Variants in MICU3 observed in about 807,000 individuals in gnomAD.
The protein encoded by MICU3 is mitochondrial calcium uptake 3, also known as calcium uptake protein 3, mitochondrial.
A neutral mutation model predicts 66.5 loss-of-function variants in MICU3; 62 were observed. That is an observed-to-expected ratio of 0.93 (90% CI 0.76 to 1.15). The LOEUF (loss-of-function observed/expected upper bound fraction) is 1.15, where lower values mean the gene tolerates loss of function less well. Among genes scored for constraint, MICU3 ranks in the 50% most tolerant of loss-of-function variants. MICU3 has a pLI of 0.00. For synonymous variants in MICU3, 308 were observed against 240.7 expected (o/e 1.28, Z -2.59); for missense variants, 779 against 664.4 (o/e 1.17, Z -1.90).
intron 3 of MICU3, among the ~76,000 whole-genome samples, chr8:17,075,247 C>T (rs1327704065): frequency 6.6e-6 from 1 of 152,120 alleles, no homozygotes; most frequent in African/African-American, 2.4e-5. Flanking sequence ...CTCCTCTGAG[C>T]TTAGTGCTTA....
At chr8:17,031,093 T>C (rs1470002437) in intron 1 of MICU3, among the ~76,000 whole-genome samples, 3 of 151,930 alleles carry the variant, frequency 2.0e-5, no homozygotes, top group African/African-American at 4.8e-5. Context: ...TGGCATGTGC[T>C]TGTAGTCCCA....
chr8:17,100,952 A>G (rs995296535), intron 9 of MICU3, among the ~76,000 whole-genome samples: 3 of 151,852 alleles, frequency 2.0e-5, no homozygotes, highest in African/African-American at 4.8e-5. Flanking sequence ...TTTAAATTAC[A>G]TATTCTTGGT....
chr8:17,042,668 A>G (rs1217633417), intron 1 of MICU3, among the ~76,000 whole-genome samples: 1 of 152,204 alleles, frequency 6.6e-6, no homozygotes, highest in Non-Finnish European at 1.5e-5. Flanking sequence ...TTTCTAAATT[A>G]GAAAAGTAGA....
At chr8:17,062,586 G>T (rs1437664598) in intron 1 of MICU3, among the ~76,000 whole-genome samples, 3 of 152,040 alleles carry the variant, frequency 2.0e-5, no homozygotes, top group African/African-American at 7.2e-5. Flanking sequence ...TCTTTGGGTT[G>T]TTTTTGTTAT....
chr8:17,098,645 A>G lies in MICU3; in HGVS notation c.984+92A>G. On this transcript the variant is annotated intron_variant, in intron 9 of 14. Transcript: ENST00000318063. Reference sequence around the variant, plus strand: ...TTTAGTCACAGTGATGAAACCCAACATGTATGTTACATTTTCCATTGTTTT... The same window carrying G: ...TTTAGTCACAGTGATGAAACCCAACGTGTATGTTACATTTTCCATTGTTTT... 3.6e-6 allele frequency: 3 copies of G among 822,268 alleles called. No homozygotes were observed. The South Asian group carries it at 4.3e-5, about 12-fold the overall frequency. The allele number at this position is 822,268 out of a possible 1,614,324, so 50.9% of individuals were successfully genotyped here.
intron 7 of MICU3, among the ~76,000 whole-genome samples, chr8:17,089,259 A>G (rs1156279160): frequency 6.6e-6 from 1 of 152,042 alleles, no homozygotes; most frequent in African/African-American, 2.4e-5. Flanking sequence ...TGGAACTAAC[A>G]GCACTTTACA....
intron 1 of MICU3, among the ~76,000 whole-genome samples, chr8:17,036,224 T>G (rs968375517): frequency 3.6e-4 from 54 of 151,404 alleles, no homozygotes; most frequent in African/African-American, 1.2e-3. Flanking sequence ...GTGTCTGGAG[T>G]TGTTCATTCC....
At chr8:17,134,563 G>A in the MICU3 span, among the ~76,000 whole-genome samples, 1 of 152,114 alleles carries the variant, frequency 6.6e-6, no homozygotes, top group South Asian at 2.1e-4. Context: ...TCCTGCCTCA[G>A]CCTCCCGAGT....
intron 1 of MICU3, among the ~76,000 whole-genome samples, chr8:17,033,995 C>T (rs958984598): frequency 5.9e-5 from 9 of 152,232 alleles, no homozygotes; most frequent in East Asian, 3.9e-4. Flanking sequence ...AAAAGGCTGC[C>T]GTCTAGGACT....
intron 1 of MICU3, among the ~76,000 whole-genome samples, chr8:17,030,932 G>A (rs920797083): frequency 1.3e-5 from 2 of 152,112 alleles, no homozygotes; most frequent in African/African-American, 4.8e-5. Context: ...TCTCTTGAAT[G>A]TTTTAGTTTC....
At chr8:17,057,999 C>T (rs952059447) in intron 1 of MICU3, among the ~76,000 whole-genome samples, 1 of 152,100 alleles carries the variant, frequency 6.6e-6, no homozygotes, top group Non-Finnish European at 1.5e-5. Flanking sequence ...AGGCACTCGC[C>T]ACCACACCTG....
chr8:17,103,833 T>G (rs1346685101), intron 9 of MICU3, among the ~76,000 whole-genome samples: 1 of 151,968 alleles, frequency 6.6e-6, no homozygotes, highest in Non-Finnish European at 1.5e-5. Context: ...GTCATATTAT[T>G]ACTTTAGTTT....
chr8:17,068,029 CA>C (rs1818986521), intron 2 of MICU3, among the ~76,000 whole-genome samples: 1 of 151,978 alleles, frequency 6.6e-6, no homozygotes, highest in African/African-American at 2.4e-5. Context: ...TCCAACATAG[CA>C]TCAAGAATTA....
At chr8:17,059,052 T>G (rs1488123662) in intron 1 of MICU3, among the ~76,000 whole-genome samples, 1 of 152,232 alleles carries the variant, frequency 6.6e-6, no homozygotes, top group Non-Finnish European at 1.5e-5. Context: ...CAAGTACCTG[T>G]TGAATGAGTC....
rs1047234266 is a variant in MICU3 at position 17,027,442 on chromosome 8, G to A, written c.163G>A (p.Glu55Lys). ...AGAGGATGAGGAGAGGGCTGTGGCG[G>A]AGGCGGCATGGAGGCGGCGGCGGCG... ...SREDEERAVA[E>K]AAWRRRRRWG... Residue 55 changes from glutamate (E) to lysine (K), a missense_variant, in exon 1 of 15, where the codon GAG becomes AAG. Coordinates refer to ENST00000318063, the MANE Select transcript of MICU3 (RefSeq NM_181723.3). 23 of 1,308,680 alleles carry A rather than the reference G, an allele frequency of 1.8e-5. No homozygotes were observed. The highest frequency in any genetic ancestry group is 1.8e-5 in the Non-Finnish European group (19 of 1,033,610). The allele number at this position is 1,308,680 out of a possible 1,614,324, so 81.1% of individuals were successfully genotyped here.
intron 2 of MICU3, among the ~76,000 whole-genome samples, chr8:17,065,060 T>C (rs1362692368): frequency 2.0e-5 from 3 of 152,172 alleles, no homozygotes; most frequent in African/African-American, 7.2e-5. Context: ...CTATTTGAGA[T>C]ACCTTGGATA....
At chr8:17,130,650 G>A in the MICU3 span, among the ~76,000 whole-genome samples, 1 of 152,338 alleles carries the variant, frequency 6.6e-6, no homozygotes, top group East Asian at 1.9e-4. Context: ...TTGTAAGATT[G>A]TATTGTAGGT....
Position 17,116,191 on chromosome 8 carries a change from T to C in MICU3, c.1367-252T>C, listed in dbSNP as rs1471691390. On this transcript the variant is annotated intron_variant, in intron 12 of 14. Transcript: ENST00000318063. ...TAACTTCTAAAGTATCTGTCACTGA[T>C]AGTAGGTGCTCATTAAACATTCATC... Among the ~76,000 whole-genome samples, 5 of 152,346 alleles carry C rather than the reference T, an allele frequency of 3.3e-5. No homozygotes were observed. The South Asian group carries it at 6.2e-4, about 19-fold the overall frequency.
intron 1 of MICU3, among the ~76,000 whole-genome samples, chr8:17,028,785 A>G (rs1388987166): frequency 6.6e-6 from 1 of 151,508 alleles, no homozygotes; most frequent in Admixed American, 6.6e-5. Context: ...TCAAATCTCC[A>G]CCCCCTCCCC....
Sources: gnomAD v4.1 joint callset for allele counts (sites outside exome capture counted in the v4.1 genomes callset) on GRCh38, gnomAD v4.1.1 for gene constraint, MANE v1.5 for transcripts, NCBI Gene and HGNC (gene_info 2026-07-23, HGNC 2026-07-21) for gene names.